Variants in CSMD3 observed in about 807,000 individuals in gnomAD.
CSMD3 encodes CUB and Sushi multiple domains 3.
Under a neutral mutation model 435.2 loss-of-function variants are expected in CSMD3, and 177 were observed. The observed-to-expected ratio is 0.41, with a 90% CI of 0.36 to 0.46. CSMD3 has a LOEUF of 0.46. CSMD3 is among the 20% of genes least tolerant of loss of function. The probability of loss-of-function intolerance (pLI) is 0.34; values close to 1 mark genes in which losing one functional copy is unlikely to be tolerated. For missense variants in CSMD3, 4,265 were observed against 4,504.6 expected (o/e 0.95, Z 1.52); for synonymous variants, 1,656 against 1,520.5 (o/e 1.09, Z -2.07).
intron 59 of CSMD3, among the ~76,000 whole-genome samples, chr8:112,279,013 A>C (rs72672874): frequency 3.9e-4 from 46 of 119,234 alleles, no homozygotes; most frequent in South Asian, 9.5e-4. Context: ...CACCCCCAAA[A>C]AACAACAACA....
At chr8:113,343,853 C>T (rs974026708) in intron 1 of CSMD3, among the ~76,000 whole-genome samples, 4 of 152,026 alleles carry the variant, frequency 2.6e-5, no homozygotes, top group Non-Finnish European at 5.9e-5. Flanking sequence ...GGGTGGATCA[C>T]GAGGTCAGGA....
At chr8:112,830,247 C>G (rs1328088051) in intron 11 of CSMD3, among the ~76,000 whole-genome samples, 3 of 151,998 alleles carry the variant, frequency 2.0e-5, no homozygotes, top group Admixed American at 1.3e-4. Flanking sequence ...AGTAGTAAAG[C>G]TTAAAATTTG....
intron 5 of CSMD3, among the ~76,000 whole-genome samples, chr8:113,048,083 C>CTTTTTTT (rs35254619): frequency 9.4e-6 from 1 of 106,948 alleles, no homozygotes; most frequent in Non-Finnish European, 1.8e-5. Context: ...AACTTCAATT[C>CTTTTTTT]TTTTTTTTTT....
rs114308291 is a variant in CSMD3 at position 112,347,719 on chromosome 8, C to T, written c.6326-1506G>A. 7.8e-3 allele frequency among the ~76,000 whole-genome samples: 1,181 copies of T among 152,204 alleles called. 17 individuals carry two copies. Among genetic ancestry groups the T allele is most frequent in the African/African-American group, 0.027 (1,139 of 41,530 alleles). On this transcript the variant is annotated intron_variant, in intron 40 of 70. Coordinates refer to ENST00000297405, the MANE Select transcript of CSMD3 (RefSeq NM_198123.2). ...CAATTTTCAATGAAGTTAGTATTTACCAATTCATTTTCCTAAATTCAATTG... is the reference window on the plus strand; with the variant it reads ...CAATTTTCAATGAAGTTAGTATTTATCAATTCATTTTCCTAAATTCAATTG...
chr8:112,682,399 T>A, intron 16 of CSMD3, 43 bp downstream of exon 16: 1 of 1,411,722 alleles, frequency 7.1e-7, no homozygotes, highest in Non-Finnish European at 1.0e-6. Context: ...TTCTTGTACA[T>A]AATGATGATG....
In CSMD3 at chr8:112,682,581, A is replaced by G. The variant is rs2075924027; in HGVS notation, c.2538T>C (p.Phe846=). 2.5e-6 allele frequency: 4 copies of G among 1,613,164 alleles called. No individual in the cohort carries two copies. The Admixed American group carries it at 5.0e-5, about 20-fold the overall frequency. ...DPGIPINARR[F]GDNFQLGSSI... is the part of the protein sequence containing the mutation. The stretch of plus-strand genomic sequence containing the variant: ...AACTTCCTAATTGAAAGTTGTCCCC[A>G]AACCGCCGTGCATTGATTGGTATTC... Residue 846 remains phenylalanine (F), a synonymous_variant, in exon 16 of 71, where the codon TTT becomes TTC. Transcript: ENST00000297405.
At position 112,684,210 on chromosome 8, in the gene CSMD3, T is replaced by A. The variant is rs1283502739; in HGVS notation, c.2482+1196A>T. Among the ~76,000 whole-genome samples, 41 of 152,168 alleles carry A rather than the reference T, an allele frequency of 2.7e-4. 1 individual carries two copies. Among genetic ancestry groups the A allele is most frequent in the Non-Finnish European group, 4.4e-5 (3 of 67,898 alleles). ...GCATATACATGTCTATCTTTAGACA[T>A]GTACATGAAGTATTTTTTAAAAATT... On this transcript the variant is annotated intron_variant, in intron 15 of 70. Transcript: ENST00000297405.
chr8:112,294,998 T>A (rs140379256), intron 54 of CSMD3, among the ~76,000 whole-genome samples: 15 of 152,238 alleles, frequency 9.9e-5, no homozygotes, highest in Admixed American at 9.8e-4. Context: ...GGTGTACCCA[T>A]CACCTGAGGA....
intron 4 of CSMD3, among the ~76,000 whole-genome samples, chr8:113,167,795 C>G (rs1375649810): frequency 6.6e-6 from 1 of 152,138 alleles, no homozygotes; most frequent in Non-Finnish European, 1.5e-5. Flanking sequence ...AAAAGACATG[C>G]ACAACATGTT....
At chr8:113,270,082 T>TC (rs1229183735) in intron 3 of CSMD3, among the ~76,000 whole-genome samples, 7 of 151,774 alleles carry the variant, frequency 4.6e-5, no homozygotes, top group African/African-American at 1.7e-4. Flanking sequence ...AGGGCTAATA[T>TC]CCAGAATCTA....
intron 1 of CSMD3, among the ~76,000 whole-genome samples, chr8:113,338,075 C>A (rs931363623): frequency 2.0e-5 from 3 of 151,692 alleles, no homozygotes; most frequent in African/African-American, 7.3e-5. Flanking sequence ...ATAAATAACT[C>A]TTAAAACAAC....
At chr8:113,191,488 T>C (rs899148431) in intron 3 of CSMD3, among the ~76,000 whole-genome samples, 1 of 151,714 alleles carries the variant, frequency 6.6e-6, no homozygotes, top group Admixed American at 6.6e-5. Flanking sequence ...AGTGAGAACA[T>C]GTGATGTTTG....
chr8:112,705,739 C>T (rs1036992419), intron 13 of CSMD3, among the ~76,000 whole-genome samples: 2 of 151,984 alleles, frequency 1.3e-5, no homozygotes, highest in African/African-American at 2.4e-5. Flanking sequence ...CTCTGGCACA[C>T]ATTTTTCAAG....
At chr8:113,065,970 A>G (rs1325025479) in intron 5 of CSMD3, among the ~76,000 whole-genome samples, 4 of 151,548 alleles carry the variant, frequency 2.6e-5, no homozygotes, top group Non-Finnish European at 5.9e-5. Context: ...ATTATATACC[A>G]TATTGGGTAT....
chr8:112,781,275 G>A (rs571919040), intron 13 of CSMD3, among the ~76,000 whole-genome samples: 11 of 152,048 alleles, frequency 7.2e-5, no homozygotes, highest in Non-Finnish European at 1.0e-4. Context: ...AAACATTAGT[G>A]GTAGCCCGGC....
intron 4 of CSMD3, among the ~76,000 whole-genome samples, chr8:113,146,672 G>C (rs1190301597): frequency 6.6e-6 from 1 of 151,582 alleles, no homozygotes; most frequent in Non-Finnish European, 1.5e-5. Context: ...AATAATAAAT[G>C]TGGCTGGAAA....
chr8:113,206,871 CT>C (rs1554575540), intron 3 of CSMD3, among the ~76,000 whole-genome samples: 3 of 152,124 alleles, frequency 2.0e-5, no homozygotes, highest in Non-Finnish European at 4.4e-5. Flanking sequence ...TAGTACAATT[CT>C]TGTACAAATA....
rs528022655 is a variant in CSMD3 at position 112,556,155 on chromosome 8, T to C, written c.4234+608A>G. On this transcript the variant is annotated intron_variant, in intron 25 of 70. Coordinates refer to ENST00000297405, the MANE Select transcript of CSMD3 (RefSeq NM_198123.2). Reference sequence around the variant, plus strand: ...CTATCCACACCTGTCAATATTTGTCTATCTACCTTCCCACCCCCACCTACC... The same window carrying C: ...CTATCCACACCTGTCAATATTTGTCCATCTACCTTCCCACCCCCACCTACC... 9.9e-5 allele frequency among the ~76,000 whole-genome samples: 15 copies of C among 152,138 alleles called. No individual in the cohort carries two copies. In the South Asian group the frequency reaches 3.1e-3, roughly 32 times the overall value.
At chr8:112,352,041 C>A (rs2131060195) in intron 39 of CSMD3, among the ~76,000 whole-genome samples, 1 of 152,156 alleles carries the variant, frequency 6.6e-6, no homozygotes, top group Admixed American at 6.5e-5. Flanking sequence ...TTTTAAGTGG[C>A]ATTTCCCTTT....
Sources: allele counts gnomAD v4.1 joint callset (sites outside exome capture counted in the v4.1 genomes callset), GRCh38; gene constraint gnomAD v4.1.1; transcripts MANE v1.5; gene names NCBI Gene and HGNC (gene_info 2026-07-23, HGNC 2026-07-21).